TSC22D2: variants seen among roughly 807,000 people sequenced by gnomAD.
The protein encoded by TSC22D2 is TSC22 domain family member 2, also known as TSC22 domain family protein 2.
A neutral mutation model predicts 50.1 loss-of-function variants in TSC22D2; 5 were observed. That is an observed-to-expected ratio of 0.10 (90% confidence interval 0.05 to 0.21). The LOEUF is 0.21. Among genes scored for constraint, TSC22D2 ranks in the 10% least tolerant of loss-of-function variants. The pLI is 1.00. For missense variants in TSC22D2, 1,003 were observed against 1,015.5 expected (o/e 0.99, Z 0.17); for synonymous variants, 501 against 450.1 (o/e 1.11, Z -1.43).
In TSC22D2 at chr3:150,409,947, G is replaced by A. The variant is rs146096944; in HGVS notation, c.597G>A (p.Gly199=). The change falls in exon 1 of 3, where the codon GGG becomes GGA. Residue 199 remains glycine, a synonymous_variant. Transcript: ENST00000688009. This position sits in a 1 kb window ranked among gnomAD's most constrained non-coding sequence, Gnocchi z 7.4. Reference sequence around the variant, plus strand: ...ACAGCAGCGTCCTGACTAGATCCGGGGATTGCATTAGACACAGCAGTACTT... The same window carrying A: ...ACAGCAGCGTCCTGACTAGATCCGGAGATTGCATTAGACACAGCAGTACTT... The part of the protein sequence containing the change: ...DSDSSVLTRS[G]DCIRHSSTFD... 3.5e-4 allele frequency: 568 copies of A among 1,613,882 alleles called. 1 individual carries two copies. The highest frequency in any genetic ancestry group is 4.7e-4 in the Non-Finnish European group (551 of 1,180,050).
chr3:150,440,077 A>G (rs1720668866), intron 1 of TSC22D2, among the ~76,000 whole-genome samples: 1 of 152,236 alleles, frequency 6.6e-6, no homozygotes. Context: ...CAATATCCTC[A>G]GTTTACAGAG....
At chr3:150,415,874 G>T (rs563802890) in intron 1 of TSC22D2, among the ~76,000 whole-genome samples, 13 of 152,272 alleles carry the variant, frequency 8.5e-5, no homozygotes, top group African/African-American at 3.1e-4. Flanking sequence ...TATGGTACTG[G>T]ATCTATGAAT....
Position 150,433,497 on chromosome 3 carries a change from TAAAG to T in TSC22D2, c.1958+22192_1958+22195del, listed in dbSNP as rs1720442783. On this transcript the variant is annotated intron_variant, in intron 1 of 2. Coordinates refer to ENST00000688009, the MANE Select transcript of TSC22D2 (RefSeq NM_001303264.2). ...ATCTTTCTGCATATCTGCCTGGTGA[TAAAG>T]AAGGTATATTTTCCCTAGTCCTACA... Among the ~76,000 whole-genome samples, 6 of 152,320 alleles carry T rather than the reference TAAAG, an allele frequency of 3.9e-5. No individual in the cohort carries two copies. In the South Asian group the frequency reaches 1.2e-3, roughly 32 times the overall value.
intron 1 of TSC22D2, among the ~76,000 whole-genome samples, chr3:150,452,399 C>T (rs1379478253): frequency 1.3e-5 from 2 of 151,788 alleles, no homozygotes; most frequent in Non-Finnish European, 2.9e-5. Context: ...GAGCTGAGAT[C>T]GCGCCATTTC....
At position 150,461,934 on chromosome 3, in the gene TSC22D2, T is replaced by C. The variant is rs1477945165; in HGVS notation, c.*3298T>C. On this transcript the variant is annotated 3_prime_UTR_variant, in exon 3 of 3. Coordinates refer to ENST00000688009, the MANE Select transcript of TSC22D2 (RefSeq NM_001303264.2). ...TTGCAGAACCAGAAATAGCTAATTGTCTGGAAACAATTTTTAAGATTTGAA... is the reference window on the plus strand; with the variant it reads ...TTGCAGAACCAGAAATAGCTAATTGCCTGGAAACAATTTTTAAGATTTGAA... The C allele has an allele frequency of 4.6e-5, 7 of 151,998 alleles. No homozygotes were observed. Among genetic ancestry groups the C allele is most frequent in the African/African-American group, 1.7e-4 (7 of 41,332 alleles). 9.4% of individuals were successfully genotyped at this position (151,998 alleles called of 1,614,324 possible). A position where few individuals can be genotyped will look rare whatever the true frequency, so the allele number is the denominator to read the frequency against.
intron 1 of TSC22D2, among the ~76,000 whole-genome samples, chr3:150,453,829 A>T (rs1425287724): frequency 1.3e-5 from 2 of 152,216 alleles, no homozygotes; most frequent in Non-Finnish European, 2.9e-5. Context: ...ATTCACAAAG[A>T]TGAAGAAGTT....
At chr3:150,431,097 C>T (rs1282010525) in intron 1 of TSC22D2, among the ~76,000 whole-genome samples, 1 of 151,482 alleles carries the variant, frequency 6.6e-6, no homozygotes, top group East Asian at 1.9e-4. Context: ...TGGTGGCAGG[C>T]ACCTATAGTC....
At chr3:150,453,128 C>T (rs530633607) in intron 1 of TSC22D2, among the ~76,000 whole-genome samples, 19 of 152,148 alleles carry the variant, frequency 1.2e-4, no homozygotes, top group South Asian at 2.1e-4. Context: ...TGTAGGGTAC[C>T]GGGTATATAT....
Position 150,410,423 on chromosome 3 carries a change from C to G in TSC22D2, c.1073C>G (p.Ala358Gly). Reference protein sequence around the residue: ...APAAQQPQQFAYPQPQIPPGH... With the variant: ...APAAQQPQQFGYPQPQIPPGH... The stretch of plus-strand genomic sequence containing the variant: ...GCGGCGCAGCAGCCCCAGCAGTTCG[C>G]GTATCCTCAGCCTCAGATACCGCCC... Residue 358 changes from alanine (A) to glycine (G), a missense_variant, in exon 1 of 3, where the codon GCG becomes GGG. By Grantham distance (60) the Ala-to-Gly change is moderately conservative. Coordinates refer to ENST00000688009, the MANE Select transcript of TSC22D2 (RefSeq NM_001303264.2). 1.2e-6 allele frequency: 2 copies of G among 1,609,078 alleles called. No homozygotes were observed. The highest frequency in any genetic ancestry group is 1.7e-6 in the Non-Finnish European group (2 of 1,178,510).
At chr3:150,452,781 T>C (rs1481869393) in intron 1 of TSC22D2, among the ~76,000 whole-genome samples, 2 of 152,192 alleles carry the variant, frequency 1.3e-5, no homozygotes, top group Non-Finnish European at 2.9e-5. Flanking sequence ...TAAATAAATA[T>C]TTTCTTGTAG....
chr3:150,460,479 A>G lies in TSC22D2; in HGVS notation c.*1843A>G, dbSNP rs1339359792. Reference sequence around the variant, plus strand: ...TAAAAATTTAATCAGATTAGCCACAAACAAACAAGGCATAAAATTGGGATG... The same window carrying G: ...TAAAAATTTAATCAGATTAGCCACAGACAAACAAGGCATAAAATTGGGATG... On this transcript the variant is annotated 3_prime_UTR_variant, in exon 3 of 3. Transcript: ENST00000688009. 3 of 147,040 alleles carry G rather than the reference A, an allele frequency of 2.0e-5. No homozygotes were observed. In the East Asian group the frequency reaches 5.8e-4, roughly 28 times the overall value. The allele number at this position is 147,040 out of a possible 1,614,324, so 9.1% of individuals were successfully genotyped here.
At chr3:150,450,489 G>A (rs1391382404) in intron 1 of TSC22D2, among the ~76,000 whole-genome samples, 1 of 151,744 alleles carries the variant, frequency 6.6e-6, no homozygotes, top group South Asian at 2.1e-4. Context: ...AACATTATTT[G>A]TTTTACATTG....
Position 150,436,060 on chromosome 3 carries a change from A to G in TSC22D2, c.1959-21016A>G, listed in dbSNP as rs140517910. On this transcript the variant is annotated intron_variant, in intron 1 of 2. Coordinates refer to ENST00000688009, the MANE Select transcript of TSC22D2 (RefSeq NM_001303264.2). ...CAGGTTGTTAATAAGGATGTCCTAC[A>G]TGTTGGAATTTAATGACTTAAACTC... Among the ~76,000 whole-genome samples the G allele has an allele frequency of 1.2e-3, 181 of 152,288 alleles. 5 individuals are homozygous for G. In the East Asian group the frequency reaches 0.034, roughly 29 times the overall value.
chr3:150,457,206 A>C (rs1056833933), intron 2 of TSC22D2, 79 bp downstream of exon 2: 1 of 1,347,340 alleles, frequency 7.4e-7, no homozygotes, highest in African/African-American at 1.5e-5. Flanking sequence ...GTTTTAGAAA[A>C]CAAATAAGTT....
At chr3:150,422,504 GA>G (rs1560082426) in intron 1 of TSC22D2, among the ~76,000 whole-genome samples, 1 of 151,928 alleles carries the variant, frequency 6.6e-6, no homozygotes, top group Non-Finnish European at 1.5e-5. Flanking sequence ...CCTAGACGAG[GA>G]AAAAACACAT....
intron 1 of TSC22D2, among the ~76,000 whole-genome samples, chr3:150,452,686 T>A (rs74540033): frequency 0.095 from 14,491 of 152,126 alleles, 919 homozygotes; most frequent in South Asian, 0.29. Context: ...ATACTCTGAG[T>A]TATACTTTTT....
At chr3:150,457,846 A>G (rs150305601) in intron 2 of TSC22D2, among the ~76,000 whole-genome samples, 22,401 of 151,580 alleles carry the variant, frequency 0.15, 1,829 homozygotes, top group Non-Finnish European at 0.2. Context: ...ATGTTGGCCA[A>G]GGTGGTCTCA....
rs1240656047 is a variant in TSC22D2, at chr3:150,410,550, C to T, written c.1200C>T (p.Gly400=). Residue 400 remains glycine (G), a synonymous_variant, in exon 1 of 3, where the codon GGC becomes GGT. Coordinates refer to ENST00000688009, the MANE Select transcript of TSC22D2 (RefSeq NM_001303264.2). ...GCCCCGCGCAGCCCTCGTCCACCGG[C>T]GCCGCAGCGAGCCCCGCCACGGCGG... ...PPSPAQPSST[G]AAASPATAAT... The T allele has an allele frequency of 1.9e-6, 3 of 1,552,594 alleles. No individual in the cohort carries two copies. The highest frequency in any genetic ancestry group is 1.2e-5 in the South Asian group (1 of 84,642).
At chr3:150,433,605 C>G (rs561384944) in intron 1 of TSC22D2, among the ~76,000 whole-genome samples, 1 of 152,234 alleles carries the variant, frequency 6.6e-6, no homozygotes, top group Admixed American at 6.5e-5. Context: ...TGATGCTAAC[C>G]GTTGGTCTTC....
Sources: allele counts gnomAD v4.1 joint callset (sites outside exome capture counted in the v4.1 genomes callset), GRCh38; gene constraint gnomAD v4.1.1; non-coding constraint Gnocchi (gnomAD v3.1); transcripts MANE v1.5; gene names NCBI Gene and HGNC (gene_info 2026-07-23, HGNC 2026-07-21).